Variants in CSPP1 observed in about 807,000 individuals in gnomAD.
CSPP1 encodes the protein centrosome and spindle pole-associated protein 1.
A neutral mutation model predicts 164.4 loss-of-function variants in CSPP1; 126 were observed. The observed-to-expected ratio is 0.77, with a 90% CI of 0.66 to 0.89. The LOEUF is 0.89. Ranked by LOEUF, CSPP1 falls within the 40% of genes least tolerant of loss-of-function variation. The pLI, the probability that CSPP1 is intolerant of heterozygous loss-of-function variation, is 0.00. For synonymous variants in CSPP1, 472 were observed against 476.7 expected (o/e 0.99, Z 0.13); for missense variants, 1,395 against 1,449.8 (o/e 0.96, Z 0.61).
chr8:67,067,489 A>C (rs1805819414), intron 1 of CSPP1, among the ~76,000 whole-genome samples: 1 of 151,678 alleles, frequency 6.6e-6, no homozygotes, highest in South Asian at 2.1e-4. Flanking sequence ...TTGAGACAAG[A>C]GTCTCGCTCT....
At position 67,161,909 on chromosome 8, in the gene CSPP1, T is replaced by C. The variant is rs1188020023; in HGVS notation, c.2637T>C (p.Phe879=). 1.9e-6 allele frequency: 3 copies of C among 1,588,920 alleles called. No homozygotes were observed. Among genetic ancestry groups the C allele is most frequent in the Admixed American group, 3.3e-5 (2 of 59,960 alleles). The part of the protein sequence containing the change: ...PPSVDSIIRS[F]IHESSMSRAQ... ...CAGTTGACAGCATCATACGTTCCTT[T>C]ATTCATGTATGTACTTTTGTTTTTA... Residue 879 remains phenylalanine, a synonymous_variant, in exon 22 of 31, where the codon TTT becomes TTC. Transcript: ENST00000678616.
chr8:67,176,171 A>C (rs1424822762), intron 26 of CSPP1, among the ~76,000 whole-genome samples: 1 of 152,144 alleles, frequency 6.6e-6, no homozygotes, highest in African/African-American at 2.4e-5. Flanking sequence ...GGTGTACTGC[A>C]TGGCCTTCCC....
intron 17 of CSPP1, among the ~76,000 whole-genome samples, chr8:67,147,781 T>C (rs184553270): frequency 6.6e-6 from 1 of 152,290 alleles, no homozygotes; most frequent in East Asian, 1.9e-4. Context: ...TGATCTTTCT[T>C]CTAAGGACTG....
intron 26 of CSPP1, among the ~76,000 whole-genome samples, chr8:67,177,070 CAAAAAAAAAA>C (rs36084458): frequency 7.7e-5 from 4 of 51,864 alleles, no homozygotes; most frequent in Admixed American, 6.4e-4. Flanking sequence ...GACTTAGTCT[CAAAAAAAAAA>C]AAAAAAAAAA....
intron 15 of CSPP1, among the ~76,000 whole-genome samples, chr8:67,129,270 C>G (rs557829571): frequency 6.6e-6 from 1 of 152,034 alleles, no homozygotes; most frequent in African/African-American, 2.4e-5. Flanking sequence ...TCATTGCTTC[C>G]TTTCACAGGG....
chr8:67,113,798 T>C lies in CSPP1; in HGVS notation c.1188-7T>C. The C allele has an allele frequency of 6.7e-7, 1 of 1,501,116 alleles. No homozygotes were observed. The highest frequency in any genetic ancestry group is 9.1e-7 in the Non-Finnish European group (1 of 1,097,160). The allele number at this position is 1,501,116 out of a possible 1,614,324, so 93.0% of individuals were successfully genotyped here. A position where few individuals can be genotyped will look rare whatever the true frequency, so the allele number is the denominator to read the frequency against. On this transcript the variant is annotated splice_polypyrimidine_tract_variant and splice_region_variant and intron_variant, in intron 10 of 30. Coordinates refer to ENST00000678616, the MANE Select transcript of CSPP1 (RefSeq NM_001382391.1). ...TTTTTAATATGTAAAACTTTAATTT[T>C]GTTTAGAGAAAAAGATTTAGAACTC...
intron 18 of CSPP1, among the ~76,000 whole-genome samples, chr8:67,152,844 T>C (rs946607807): frequency 3.3e-5 from 5 of 152,210 alleles, no homozygotes; most frequent in African/African-American, 1.2e-4. Context: ...AAAAGCAAAA[T>C]AGACCTGAGT....
chr8:67,115,632 C>T (rs573300367), intron 12 of CSPP1, among the ~76,000 whole-genome samples: 1 of 152,208 alleles, frequency 6.6e-6, no homozygotes, highest in Admixed American at 6.5e-5. Context: ...GATCATGCCA[C>T]TGCATTCCAG....
chr8:67,192,263 T>TG (rs1221822656), intron 29 of CSPP1, among the ~76,000 whole-genome samples: 1 of 152,004 alleles, frequency 6.6e-6, no homozygotes, highest in African/African-American at 2.4e-5. Flanking sequence ...TTAGTAGAGT[T>TG]GGGGTTTCGC....
At position 67,093,452 on chromosome 8, in the gene CSPP1, A is replaced by G. The variant is rs1346224217; in HGVS notation, c.385-91A>G. On this transcript the variant is annotated intron_variant, in intron 5 of 30. Coordinates refer to ENST00000678616, the MANE Select transcript of CSPP1 (RefSeq NM_001382391.1). ...ATTCTGGGTAAGAGTTCTGATATGT[A>G]TGATTCAGATTTGACATTCTGATAG... The G allele has an allele frequency of 6.8e-6, 5 of 734,766 alleles. No homozygotes were observed. The East Asian group carries it at 1.3e-4, about 19-fold the overall frequency. The allele number at this position is 734,766 out of a possible 1,614,324, so 45.5% of individuals were successfully genotyped here. A position where few individuals can be genotyped will look rare whatever the true frequency, so the allele number is the denominator to read the frequency against.
chr8:67,091,917 G>GC (rs1233187415), intron 5 of CSPP1, 34 bp downstream of exon 5: 2 of 894,798 alleles, frequency 2.2e-6, no homozygotes, highest in Non-Finnish European at 3.1e-6. Flanking sequence ...GTGGGTACCA[G>GC]TTTTCCGAGG....
At chr8:67,159,918 T>TTCTTTCTTTCTC (rs1827694219) in intron 21 of CSPP1, among the ~76,000 whole-genome samples, 1 of 57,162 alleles carries the variant, frequency 1.7e-5, no homozygotes, top group Non-Finnish European at 3.4e-5. Context: ...CTTTCTTTCT[T>TTCTTTCTTTCTC]TCTTTCCTTT....
chr8:67,175,040 T>C (rs1831278717), intron 25 of CSPP1: 1 of 408,374 alleles, frequency 2.4e-6, no homozygotes, highest in Non-Finnish European at 4.6e-6. Flanking sequence ...AGATGGACAA[T>C]GCAACATCCA....
intron 1 of CSPP1, among the ~76,000 whole-genome samples, chr8:67,072,448 T>G (rs1234938563): frequency 6.6e-6 from 1 of 152,114 alleles, no homozygotes; most frequent in East Asian, 1.9e-4. Context: ...ACAAAGCAAG[T>G]TTTGTAAAAT....
At chr8:67,110,931 G>C (rs1241776229) in intron 9 of CSPP1, among the ~76,000 whole-genome samples, 1 of 151,964 alleles carries the variant, frequency 6.6e-6, no homozygotes, top group East Asian at 1.9e-4. Context: ...ATTCTATCAT[G>C]GTCAGAAGTG....
intron 16 of CSPP1, chr8:67,134,434 A>C (rs1018518869): frequency 6.6e-6 from 1 of 151,618 alleles, no homozygotes; most frequent in Admixed American, 6.6e-5. Flanking sequence ...TTTTTTTAGT[A>C]GTAGGTCTCA....
At chr8:67,154,292 TATTTC>T (rs1360181768) in intron 19 of CSPP1, among the ~76,000 whole-genome samples, 156 bp downstream of exon 19, 4 of 152,198 alleles carry the variant, frequency 2.6e-5, no homozygotes, top group African/African-American at 4.8e-5. Context: ...GTACAAAAGT[TATTTC>T]ATTTCAAGGA....
At chr8:67,158,940 TG>T (rs1234287610) in intron 20 of CSPP1, 50 bp from the exon 21 acceptor site, 3 of 1,398,822 alleles carry the variant, frequency 2.1e-6, no homozygotes, top group African/African-American at 2.9e-5. Flanking sequence ...CATTTTTGAA[TG>T]TACTATAGAA....
intron 30 of CSPP1, among the ~76,000 whole-genome samples, chr8:67,195,028 C>T (rs896287260): frequency 1.3e-5 from 2 of 152,202 alleles, no homozygotes; most frequent in Non-Finnish European, 2.9e-5. Context: ...CATTAGGCTT[C>T]TCCTGAGGTA....
Sources: gnomAD v4.1 joint callset for allele counts (sites outside exome capture counted in the v4.1 genomes callset) on GRCh38, gnomAD v4.1.1 for gene constraint, MANE v1.5 for transcripts, NCBI Gene and HGNC (gene_info 2026-07-23, HGNC 2026-07-21) for gene names.